Variants in CADPS2 observed in about 807,000 individuals in gnomAD.
CADPS2 encodes the protein calcium-dependent secretion activator 2.
CADPS2 carries 93 observed loss-of-function variants against 172.5 expected under a neutral mutation model. The ratio of observed to expected loss-of-function variants is 0.54; its 90% CI spans 0.46 to 0.64. The LOEUF (loss-of-function observed/expected upper bound fraction) is 0.64, where lower values mean the gene tolerates loss of function less well. Among genes scored for constraint, CADPS2 ranks in the 30% least tolerant of loss-of-function variants. The pLI, the probability that CADPS2 is intolerant of heterozygous loss-of-function variation, is 0.00. For missense variants in CADPS2, 1,420 were observed against 1,565.9 expected, an observed-to-expected ratio of 0.91 and a Z score of 1.57; for synonymous variants, 546 against 555.2, an observed-to-expected ratio of 0.98 and a Z score of 0.23.
At chr7:122,729,697 T>TA (rs1491355800) in intron 2 of CADPS2, among the ~76,000 whole-genome samples, 4 of 111,618 alleles carry the variant, frequency 3.6e-5, no homozygotes, top group Non-Finnish European at 7.6e-5. Context: ...TTTTTTTTTT[T>TA]ACTGTTGAGT....
intron 1 of CADPS2, among the ~76,000 whole-genome samples, chr7:122,763,131 C>T (rs1050664804): frequency 1.3e-5 from 2 of 151,998 alleles, no homozygotes; most frequent in Admixed American, 1.3e-4. Context: ...ACAGAGAAAA[C>T]TGAGCACACA....
chr7:122,503,275 C>T (rs184770179), intron 9 of CADPS2, among the ~76,000 whole-genome samples: 25 of 152,230 alleles, frequency 1.6e-4, no homozygotes, highest in Admixed American at 3.9e-4. Context: ...ACCTTGTGAT[C>T]TGCTCGCCTC....
chr7:122,453,166 G>A (rs1035447166), intron 14 of CADPS2, among the ~76,000 whole-genome samples: 9 of 151,732 alleles, frequency 5.9e-5, no homozygotes, highest in East Asian at 1.9e-4. Context: ...ATAATATATC[G>A]ACCACATTTA....
chr7:122,653,262 A>G, intron 3 of CADPS2, among the ~76,000 whole-genome samples: 1 of 152,232 alleles, frequency 6.6e-6, no homozygotes, highest in Non-Finnish European at 1.5e-5. Context: ...AAGGGGCCAC[A>G]CAAGGGTAAA....
intron 2 of CADPS2, among the ~76,000 whole-genome samples, chr7:122,726,937 A>C (rs904367452): frequency 6.6e-6 from 1 of 152,032 alleles, no homozygotes; most frequent in African/African-American, 2.4e-5. Context: ...TTAAAGTTAA[A>C]GAGCATTTCC....
intron 9 of CADPS2, among the ~76,000 whole-genome samples, chr7:122,495,955 CT>C (rs1207578946): frequency 6.6e-6 from 1 of 152,048 alleles, no homozygotes. Flanking sequence ...TTTTGTCTTC[CT>C]TCCTGATGAA....
intron 1 of CADPS2, among the ~76,000 whole-genome samples, chr7:122,863,137 G>A (rs1344520650): frequency 6.6e-6 from 1 of 152,146 alleles, no homozygotes; most frequent in East Asian, 1.9e-4. Context: ...TATTGCTGCT[G>A]GTGACATTGT....
chr7:122,383,123 C>T (rs2043214719), intron 24 of CADPS2, among the ~76,000 whole-genome samples: 1 of 152,042 alleles, frequency 6.6e-6, no homozygotes, highest in South Asian at 2.1e-4. Context: ...AAATATGGTA[C>T]ATATACACCA....
intron 1 of CADPS2, among the ~76,000 whole-genome samples, chr7:122,830,716 C>T (rs544209985): frequency 3.3e-5 from 5 of 152,272 alleles, no homozygotes; most frequent in African/African-American, 1.2e-4. Flanking sequence ...AGCAAACAAT[C>T]TGTGGACTGC....
At chr7:122,621,927 G>A (rs191976776) in intron 4 of CADPS2, among the ~76,000 whole-genome samples, 235 of 152,098 alleles carry the variant, frequency 1.5e-3, no homozygotes, top group African/African-American at 5.4e-3. Context: ...GAGGATCACT[G>A]CAGTACAAAA....
intron 1 of CADPS2, among the ~76,000 whole-genome samples, chr7:122,817,762 T>C (rs1362029997): frequency 1.3e-5 from 2 of 151,978 alleles, no homozygotes; most frequent in Non-Finnish European, 2.9e-5. Flanking sequence ...GTCCTGCTTT[T>C]CTAGAGGGGC....
At chr7:122,540,427 T>C (rs1167975147) in intron 8 of CADPS2, among the ~76,000 whole-genome samples, 3 of 152,118 alleles carry the variant, frequency 2.0e-5, no homozygotes, top group Non-Finnish European at 2.9e-5. Flanking sequence ...AGTTTTATGA[T>C]TGTTAACCTT....
chr7:122,842,146 C>T (rs1057100875), intron 1 of CADPS2, among the ~76,000 whole-genome samples: 5 of 152,166 alleles, frequency 3.3e-5, no homozygotes. Context: ...GAACACGGCC[C>T]ACTTCAGATG....
chr7:122,878,639 C>T (rs1052133636), intron 1 of CADPS2, among the ~76,000 whole-genome samples: 6 of 138,936 alleles, frequency 4.3e-5, no homozygotes, highest in African/African-American at 1.4e-4. Context: ...GACTCTGTCT[C>T]AAATAAATAA....
chr7:122,565,217 T>C (rs1268986732), intron 7 of CADPS2, among the ~76,000 whole-genome samples: 2 of 150,254 alleles, frequency 1.3e-5, no homozygotes, highest in African/African-American at 2.5e-5. Flanking sequence ...TTATACCCCC[T>C]GAATTTATAG....
chr7:122,556,465 CTTCT>C (rs973042946), intron 7 of CADPS2, among the ~76,000 whole-genome samples: 2 of 151,946 alleles, frequency 1.3e-5, no homozygotes, highest in Non-Finnish European at 2.9e-5. Flanking sequence ...TTAATTCTTC[CTTCT>C]ATGTTTATAT....
In CADPS2 at chr7:122,592,988, G is replaced by GAATAAATAAATA. The variant is rs141800604; in HGVS notation, c.1224-11710_1224-11699dup. On this transcript the variant is annotated intron_variant, in intron 6 of 29. Coordinates refer to ENST00000449022, the MANE Select transcript of CADPS2 (RefSeq NM_017954.11). ...TGTACCCTAGAACTTGAAGTAAAAT[G>GAATAAATAAATA]AATAAATAAATAAATAAATAAATAA... Among the ~76,000 whole-genome samples, 1,450 of 148,228 alleles carry GAATAAATAAATA rather than the reference G, an allele frequency of 9.8e-3. 8 individuals are homozygous for GAATAAATAAATA. Among genetic ancestry groups the GAATAAATAAATA allele is most frequent in the African/African-American group, 0.018 (726 of 40,030 alleles).
intron 9 of CADPS2, among the ~76,000 whole-genome samples, chr7:122,500,289 C>T (rs1018272507): frequency 2.6e-5 from 4 of 152,096 alleles, no homozygotes; most frequent in African/African-American, 9.7e-5. Flanking sequence ...ATGGCTTCCA[C>T]AGTGTGTGGC....
rs192041256 is a variant in CADPS2, at chr7:122,714,381, C to T, written c.453+22574G>A. On this transcript the variant is annotated intron_variant, in intron 2 of 29. Transcript: ENST00000449022. ...CAACTTTCAGATTGTTTCTAGCTGT[C>T]TTTAGTATTTAGCTTGATTTCCTAT... is the stretch of plus-strand genomic sequence containing the variant. 3.0e-3 allele frequency among the ~76,000 whole-genome samples: 451 copies of T among 152,070 alleles called. 2 individuals are homozygous for T. Among genetic ancestry groups the T allele is most frequent in the Non-Finnish European group, 5.3e-3 (360 of 67,976 alleles).
Sources: allele counts gnomAD v4.1 joint callset (sites outside exome capture counted in the v4.1 genomes callset), GRCh38; gene constraint gnomAD v4.1.1; transcripts MANE v1.5; gene names NCBI Gene and HGNC (gene_info 2026-07-23, HGNC 2026-07-21).